The following KCNK3 variants were observed in gnomAD, a reference collection of about 807,000 sequenced individuals.
KCNK3 encodes potassium two pore domain channel subfamily K member 3.
Under a neutral mutation model 27.3 loss-of-function variants are expected in KCNK3, and 9 were observed. The ratio of observed to expected loss-of-function variants is 0.33; its 90% CI spans 0.20 to 0.57. The LOEUF (loss-of-function observed/expected upper bound fraction) is 0.57, where lower values mean the gene tolerates loss of function less well. Ranked by LOEUF, KCNK3 falls within the 20% of genes least tolerant of loss-of-function variation. The probability of loss-of-function intolerance (pLI) is 0.87; values close to 1 mark genes in which losing one functional copy is unlikely to be tolerated. For missense variants in KCNK3, 391 were observed against 577.7 expected, an observed-to-expected ratio of 0.68 and a Z score of 3.31; for synonymous variants, 278 against 273.8, an observed-to-expected ratio of 1.02 and a Z score of -0.15.
chr2:26,693,647 C>T lies in KCNK3; in HGVS notation c.283+489C>T, dbSNP rs1670199560. Among the ~76,000 whole-genome samples, 1 of 152,178 alleles carries T rather than the reference C, an allele frequency of 6.6e-6. No individual in the cohort carries two copies. The highest frequency in any genetic ancestry group is 2.4e-5 in the African/African-American group (1 of 41,456). On this transcript the variant is annotated intron_variant, in intron 1 of 1. Transcript: ENST00000302909. The surrounding 1 kb of genome is among the most constrained non-coding windows in gnomAD (Gnocchi z 5.5). ...CGGCACTTCGGGGCACTTGGGGCCA[C>T]CCTATAACGGCGGCTGTGAGTGTAC...
At chr2:26,697,059 A>AT (rs1485965778) in intron 1 of KCNK3, among the ~76,000 whole-genome samples, 1 of 151,822 alleles carries the variant, frequency 6.6e-6, no homozygotes, top group African/African-American at 2.4e-5. Context: ...TATTACCCCC[A>AT]TTTTTCAGCT....
intron 1 of KCNK3, among the ~76,000 whole-genome samples, chr2:26,700,792 C>G (rs1345609829): frequency 6.6e-6 from 1 of 152,102 alleles, no homozygotes; most frequent in Non-Finnish European, 1.5e-5. Flanking sequence ...ATCTCTCTCT[C>G]TGTCTCTCTC....
In KCNK3 at chr2:26,730,657, A is replaced by T. The variant is rs1351004887; in HGVS notation, c.*2089A>T. On this transcript the variant is annotated 3_prime_UTR_variant, in exon 2 of 2. Transcript: ENST00000302909. Reference sequence around the variant, plus strand: ...CAGCTGTGTCCTCTAGTCTCTGGGGACCCCTGGGGGGAAGAAGTCTACCCT... The same window carrying T: ...CAGCTGTGTCCTCTAGTCTCTGGGGTCCCCTGGGGGGAAGAAGTCTACCCT... 1 of 151,920 alleles carries T rather than the reference A, an allele frequency of 6.6e-6. No homozygotes were observed. Among genetic ancestry groups the T allele is most frequent in the Non-Finnish European group, 1.5e-5 (1 of 68,054 alleles). 9.4% of individuals were successfully genotyped at this position (151,920 alleles called of 1,614,324 possible).
intron 1 of KCNK3, among the ~76,000 whole-genome samples, chr2:26,711,135 G>C (rs2148261910): frequency 6.6e-6 from 1 of 152,274 alleles, no homozygotes; most frequent in East Asian, 1.9e-4. Context: ...CAGGTGGGCT[G>C]GCAGCAGAAG....
intron 1 of KCNK3, among the ~76,000 whole-genome samples, chr2:26,706,695 G>A (rs1037480870): frequency 2.0e-5 from 3 of 152,096 alleles, no homozygotes; most frequent in Non-Finnish European, 4.4e-5. Context: ...CTGGAGTCCC[G>A]AGCACTCATC....
intron 1 of KCNK3, among the ~76,000 whole-genome samples, chr2:26,717,586 T>G (rs529089799): frequency 1.3e-4 from 20 of 152,344 alleles, no homozygotes; most frequent in African/African-American, 4.8e-4. Flanking sequence ...ATTCATTTAA[T>G]TAAAACCCCA....
At chr2:26,710,580 G>C (rs535278609) in intron 1 of KCNK3, among the ~76,000 whole-genome samples, 4 of 152,190 alleles carry the variant, frequency 2.6e-5, no homozygotes, top group African/African-American at 9.7e-5. Context: ...GACAGTGTAG[G>C]GGGGAAGAGG....
chr2:26,726,100 C>CAGAGAG (rs1269817992), intron 1 of KCNK3, among the ~76,000 whole-genome samples: 2 of 109,666 alleles, frequency 1.8e-5, no homozygotes, highest in African/African-American at 4.2e-5. Flanking sequence ...CACACACACA[C>CAGAGAG]ACACACAGAG....
intron 1 of KCNK3, among the ~76,000 whole-genome samples, chr2:26,699,261 A>T (rs940529438): frequency 7.7e-6 from 1 of 130,382 alleles, no homozygotes; most frequent in Admixed American, 7.5e-5. Flanking sequence ...AAGCCAGCCA[A>T]GGAGAAAGGT....
rs1213896172 is a variant in KCNK3 at position 26,732,277 on chromosome 2, T to G, written c.*3709T>G. ...TGCCTACCTTTCACAAAATAATTCTTAGCAACCCTGCTACAGCCAATGATT... is the reference window on the plus strand; with the variant it reads ...TGCCTACCTTTCACAAAATAATTCTGAGCAACCCTGCTACAGCCAATGATT... On this transcript the variant is annotated 3_prime_UTR_variant, in exon 2 of 2. Coordinates refer to ENST00000302909, the MANE Select transcript of KCNK3 (RefSeq NM_002246.3). 1 of 152,294 alleles carries G rather than the reference T, an allele frequency of 6.6e-6. No homozygotes were observed. Among genetic ancestry groups the G allele is most frequent in the Non-Finnish European group, 1.5e-5 (1 of 68,092 alleles). 9.4% of individuals were successfully genotyped at this position (152,294 alleles called of 1,614,324 possible). A position where few individuals can be genotyped will look rare whatever the true frequency, so the allele number is the denominator to read the frequency against.
intron 1 of KCNK3, among the ~76,000 whole-genome samples, chr2:26,722,915 A>T (rs1158608702): frequency 6.6e-6 from 1 of 152,242 alleles, no homozygotes; most frequent in Non-Finnish European, 1.5e-5. Flanking sequence ...CCTATCTTCC[A>T]TGTCACAGAT....
At chr2:26,695,907 C>T (rs560582563) in intron 1 of KCNK3, among the ~76,000 whole-genome samples, 1 of 152,362 alleles carries the variant, frequency 6.6e-6, no homozygotes, top group East Asian at 1.9e-4. Context: ...CCTGCCCCAC[C>T]TGACCATCCT....
At position 26,728,308 on chromosome 2, in the gene KCNK3, A is replaced by T; in HGVS notation, c.925A>T (p.Met309Leu). 2 of 1,602,080 alleles carry T rather than the reference A, an allele frequency of 1.2e-6. No individual in the cohort carries two copies. The highest frequency in any genetic ancestry group is 1.1e-5 in the South Asian group (1 of 89,240). The change falls in exon 2 of 2, where the codon ATG becomes TTG. Residue 309 changes from methionine (M) to leucine (L), a missense_variant. Around this residue, in one of 4 missense-constraint regions of KCNK3, gnomAD observed 192 missense variants for 196.0 expected, o/e 0.98. Transcript: ENST00000302909. ...CGCGGAGGTGCTGCACTTCCAGTCC[A>T]TGTGCTCGTGCCTGTGGTACAAGAG... The part of the protein sequence containing the change: ...VYAEVLHFQS[M>L]CSCLWYKSRE...
At chr2:26,718,180 TC>T (rs1663265763) in intron 1 of KCNK3, among the ~76,000 whole-genome samples, 1 of 151,908 alleles carries the variant, frequency 6.6e-6, no homozygotes, top group African/African-American at 2.4e-5. Flanking sequence ...CCTCAGTGGA[TC>T]CACCTGCCCC....
At chr2:26,726,413 G>A (rs974359165) in intron 1 of KCNK3, among the ~76,000 whole-genome samples, 1 of 152,164 alleles carries the variant, frequency 6.6e-6, no homozygotes, top group Non-Finnish European at 1.5e-5. Flanking sequence ...GAGATCATAA[G>A]CTGTGAGGAA....
At position 26,728,076 on chromosome 2, in the gene KCNK3, C is replaced by T. The variant is rs1205874845; in HGVS notation, c.693C>T (p.Gly231=). ...VAFSFVYILT[G]LTVIGAFLNL... ...TCAGCTTCGTCTACATCCTTACGGG[C>T]CTCACGGTCATCGGCGCCTTCCTCA... is the stretch of plus-strand genomic sequence containing the variant. Residue 231 remains glycine, a synonymous_variant, in exon 2 of 2, where the codon GGC becomes GGT. Transcript: ENST00000302909. 2.5e-6 allele frequency: 4 copies of T among 1,613,940 alleles called. No homozygotes were observed. The highest frequency in any genetic ancestry group is 2.2e-5 in the East Asian group (1 of 44,888).
intron 1 of KCNK3, among the ~76,000 whole-genome samples, chr2:26,713,084 G>A (rs1391374842): frequency 6.6e-6 from 1 of 152,184 alleles, no homozygotes; most frequent in Non-Finnish European, 1.5e-5. Flanking sequence ...TCCACTGTGG[G>A]CACTGGGCAA....
rs143737781 is a variant in KCNK3 at position 26,708,602 on chromosome 2, C to T, written c.283+15444C>T. The stretch of plus-strand genomic sequence containing the variant: ...GCTGAGGCATAAGAAGCTCTTGAAC[C>T]TGGGAGGCGGAGGTTGCAGCGAGCC... On this transcript the variant is annotated intron_variant, in intron 1 of 1. Coordinates refer to ENST00000302909, the MANE Select transcript of KCNK3 (RefSeq NM_002246.3). 4.5e-3 allele frequency among the ~76,000 whole-genome samples: 678 copies of T among 152,298 alleles called. 5 individuals are homozygous for T. The highest frequency in any genetic ancestry group is 0.016 in the African/African-American group (647 of 41,566).
chr2:26,718,988 G>A (rs1174247645), intron 1 of KCNK3, among the ~76,000 whole-genome samples: 2 of 152,172 alleles, frequency 1.3e-5, no homozygotes, highest in African/African-American at 4.8e-5. Context: ...TTAACATGAT[G>A]TGGTAGTTTT....
Sources: gnomAD v4.1 joint callset for allele counts (sites outside exome capture counted in the v4.1 genomes callset) on GRCh38, gnomAD v4.1.1 for gene constraint, gnomAD v4.1.1 regional missense constraint, Gnocchi (gnomAD v3.1) non-coding constraint, MANE v1.5 for transcripts, NCBI Gene and HGNC (gene_info 2026-07-23, HGNC 2026-07-21) for gene names.